Variants in PTPRD observed in about 807,000 individuals in gnomAD.
PTPRD encodes the protein protein tyrosine phosphatase receptor type D, also known as receptor-type tyrosine-protein phosphatase delta.
PTPRD carries 34 observed loss-of-function variants against 214.5 expected under a neutral mutation model. That is an observed-to-expected ratio of 0.16 (90% confidence interval 0.12 to 0.21). The LOEUF is 0.21. Ranked by LOEUF, PTPRD falls within the 10% of genes least tolerant of loss-of-function variation. The pLI is 1.00. For synonymous variants in PTPRD, 1,128 were observed against 845.7 expected (o/e 1.33, Z -5.79); for missense variants, 2,545 against 2,398.7 (o/e 1.06, Z -1.27).
intron 2 of PTPRD, among the ~76,000 whole-genome samples, chr9:10,463,097 AATGCCTACTATAT>A (rs1323663036): frequency 6.6e-6 from 1 of 151,652 alleles, no homozygotes; most frequent in Non-Finnish European, 1.5e-5. Flanking sequence ...TGATGTATGT[AATGCCTACTATAT>A]GTTGAGTTGA....
intron 4 of PTPRD, among the ~76,000 whole-genome samples, chr9:9,997,380 G>T (rs2096161258): frequency 6.6e-6 from 1 of 151,638 alleles, no homozygotes; most frequent in Admixed American, 6.6e-5. Context: ...CTGCCTCCTG[G>T]GTTCAAGCGA....
intron 7 of PTPRD, among the ~76,000 whole-genome samples, chr9:9,639,932 T>G (rs1213018249): frequency 6.6e-6 from 1 of 152,204 alleles, no homozygotes; most frequent in Non-Finnish European, 1.5e-5. Context: ...AATACAGGCT[T>G]TGTTCTGTAG....
intron 9 of PTPRD, among the ~76,000 whole-genome samples, chr9:9,313,895 A>G (rs1281817410): frequency 6.6e-6 from 1 of 152,094 alleles, no homozygotes; most frequent in Admixed American, 6.6e-5. Flanking sequence ...TTACATATTC[A>G]GGCACACAAG....
chr9:8,453,188 G>C (rs2096030677), intron 33 of PTPRD, among the ~76,000 whole-genome samples: 1 of 152,164 alleles, frequency 6.6e-6, no homozygotes, highest in Non-Finnish European at 1.5e-5. Context: ...GAAAGGTACG[G>C]AGTCCCACTC....
chr9:10,063,549 T>C (rs2097819048), intron 3 of PTPRD, among the ~76,000 whole-genome samples: 1 of 152,056 alleles, frequency 6.6e-6, no homozygotes, highest in Non-Finnish European at 1.5e-5. Flanking sequence ...AGCTTTCACA[T>C]CTTTGAACTG....
intron 6 of PTPRD, among the ~76,000 whole-genome samples, chr9:9,739,306 G>C (rs954500604): frequency 3.3e-5 from 5 of 152,120 alleles, no homozygotes; most frequent in Non-Finnish European, 5.9e-5. Flanking sequence ...GTAAGCGTTT[G>C]CTAGATATTT....
intron 11 of PTPRD, among the ~76,000 whole-genome samples, chr9:8,742,352 T>A (rs2092132568): frequency 6.6e-6 from 1 of 152,186 alleles, no homozygotes; most frequent in African/African-American, 2.4e-5. Context: ...CATATAGTTA[T>A]CATTTTTATA....
At chr9:9,788,784 G>C (rs1222722726) in intron 5 of PTPRD, among the ~76,000 whole-genome samples, 1 of 151,870 alleles carries the variant, frequency 6.6e-6, no homozygotes, top group East Asian at 1.9e-4. Context: ...ATATTTTAAA[G>C]AATATTTTTT....
At chr9:10,150,709 AC>A in intron 3 of PTPRD, among the ~76,000 whole-genome samples, 2 of 151,664 alleles carry the variant, frequency 1.3e-5, no homozygotes, top group Non-Finnish European at 2.9e-5. Context: ...AAAAAAAGAA[AC>A]AAAAAAAAAG....
At chr9:9,528,925 T>C (rs995458587) in intron 8 of PTPRD, among the ~76,000 whole-genome samples, 1 of 150,270 alleles carries the variant, frequency 6.7e-6, no homozygotes, top group Middle Eastern at 3.4e-3. Context: ...CCAGTTTCTT[T>C]CTTTGTTTGT....
intron 4 of PTPRD, among the ~76,000 whole-genome samples, chr9:10,008,892 G>C (rs960380447): frequency 4.0e-5 from 6 of 151,796 alleles, no homozygotes; most frequent in African/African-American, 1.5e-4. Context: ...TTAAAAATGA[G>C]TAAATAAATT....
At chr9:8,471,458 G>C (rs1333184354) in intron 30 of PTPRD, among the ~76,000 whole-genome samples, 3 of 152,070 alleles carry the variant, frequency 2.0e-5, no homozygotes, top group African/African-American at 7.2e-5. Flanking sequence ...GAATTTATAA[G>C]AAGATGTTTT....
rs372463175 is a variant in PTPRD, at chr9:9,353,935, AG to A, written c.-203+43513del. On this transcript the variant is annotated intron_variant, in intron 9 of 45. Transcript: ENST00000381196. The stretch of plus-strand genomic sequence containing the variant: ...TCTGAGGAAGCTTCCAAGTTCTTTC[AG>A]GTTATTGAAAAAAATTAACTTCTTT... Among the ~76,000 whole-genome samples, 191 of 151,808 alleles carry A rather than the reference AG, an allele frequency of 1.3e-3. 4 individuals are homozygous for A. The East Asian group carries it at 0.03, about 24-fold the overall frequency.
chr9:9,657,884 C>T (rs550004745), intron 7 of PTPRD, among the ~76,000 whole-genome samples: 62 of 152,270 alleles, frequency 4.1e-4, no homozygotes, highest in African/African-American at 1.5e-3. Context: ...CAATATAAAA[C>T]AGTGAGATTT....
At chr9:10,051,759 T>G (rs2097539693) in intron 3 of PTPRD, among the ~76,000 whole-genome samples, 1 of 152,102 alleles carries the variant, frequency 6.6e-6, no homozygotes, top group African/African-American at 2.4e-5. Context: ...TTTTCTGTAG[T>G]CAAAAAAGAA....
chr9:10,478,679 AATAAC>A (rs1320763361), intron 2 of PTPRD, among the ~76,000 whole-genome samples: 1 of 151,998 alleles, frequency 6.6e-6, no homozygotes, highest in African/African-American at 2.4e-5. Context: ...TTTTTGACTT[AATAAC>A]ATATCAAAAT....
At chr9:10,526,337 G>A (rs1363982542) in intron 2 of PTPRD, among the ~76,000 whole-genome samples, 1 of 152,036 alleles carries the variant, frequency 6.6e-6, no homozygotes, top group Non-Finnish European at 1.5e-5. Flanking sequence ...GTATAATATT[G>A]CTAAAGTGTG....
chr9:10,165,569 T>G (rs781753291), intron 3 of PTPRD, among the ~76,000 whole-genome samples: 1 of 151,812 alleles, frequency 6.6e-6, no homozygotes, highest in Admixed American at 6.6e-5. Context: ...AATGTTTTGT[T>G]TAGTTGCCAA....
At chr9:9,433,818 G>C (rs146721057) in intron 8 of PTPRD, among the ~76,000 whole-genome samples, 40 of 152,158 alleles carry the variant, frequency 2.6e-4, no homozygotes, top group Admixed American at 3.3e-4. Context: ...TCACCAAATT[G>C]GATAATTTAC....
Sources: allele counts gnomAD v4.1 joint callset (sites outside exome capture counted in the v4.1 genomes callset), GRCh38; gene constraint gnomAD v4.1.1; transcripts MANE v1.5; gene names NCBI Gene and HGNC (gene_info 2026-07-23, HGNC 2026-07-21).